Variants in IL31RA observed in about 807,000 individuals in gnomAD.
The protein encoded by IL31RA is interleukin 31 receptor A.
IL31RA carries 66 observed loss-of-function variants against 83.7 expected under a neutral mutation model. That is an observed-to-expected ratio of 0.79 (90% CI 0.65 to 0.97). The LOEUF is 0.97. IL31RA is among the 50% of genes least tolerant of loss of function. IL31RA has a pLI of 0.00. For missense variants in IL31RA, 798 were observed against 919.4 expected, an observed-to-expected ratio of 0.87 and a Z score of 1.71; for synonymous variants, 325 against 329.0, an observed-to-expected ratio of 0.99 and a Z score of 0.13.
At chr5:55,894,054 T>G (rs1192216500) in intron 6 of IL31RA, among the ~76,000 whole-genome samples, 2 of 152,218 alleles carry the variant, frequency 1.3e-5, no homozygotes, top group Non-Finnish European at 2.9e-5. Flanking sequence ...ATAATCAGTT[T>G]AGCTTTGCCT....
intron 11 of IL31RA, 70 bp downstream of exon 11, chr5:55,908,481 T>C: frequency 6.2e-7 from 1 of 1,613,904 alleles, no homozygotes; most frequent in East Asian, 2.2e-5. Context: ...AGACCTGTTG[T>C]AGGCATGGCT....
In IL31RA at chr5:55,918,473, T is replaced by C. The variant is rs1749919069; in HGVS notation, c.*1353T>C. 6.6e-6 allele frequency among the ~76,000 whole-genome samples: 1 copy of C among 152,222 alleles called. No individual in the cohort carries two copies. Among genetic ancestry groups the C allele is most frequent in the African/African-American group, 2.4e-5 (1 of 41,460 alleles). ...AACCTCAGCCCAGTATGATGATTTC[T>C]GAGTTGCCGTAGGTTTGTGACTCAG... On this transcript the variant is annotated 3_prime_UTR_variant, in exon 15 of 15. Transcript: ENST00000652347.
chr5:55,839,797 A>G, the IL31RA span: 1 of 768,738 alleles, frequency 1.3e-6, no homozygotes, highest in Non-Finnish European at 2.4e-6. Flanking sequence ...TGTGTCCCAT[A>G]GTTTCTCTGT....
intron 2 of IL31RA, among the ~76,000 whole-genome samples, chr5:55,864,908 C>A (rs540621750): frequency 1.3e-5 from 2 of 152,234 alleles, no homozygotes; most frequent in African/African-American, 4.8e-5. Flanking sequence ...TACACACACA[C>A]CCCATACACA....
chr5:55,879,157 G>A (rs1052371676), intron 4 of IL31RA, among the ~76,000 whole-genome samples: 2 of 152,078 alleles, frequency 1.3e-5, no homozygotes, highest in East Asian at 3.9e-4. Flanking sequence ...CAGTCGTTTA[G>A]TCTGCCCTCA....
chr5:55,890,253 GC>G (rs576296824), intron 6 of IL31RA, 118 bp downstream of exon 6: 3 of 997,146 alleles, frequency 3.0e-6, no homozygotes, highest in Admixed American at 1.9e-5. Context: ...GACCCCAGGG[GC>G]CCCCTGTACC....
In IL31RA at chr5:55,881,767, G is replaced by A. The variant is rs1050706282; in HGVS notation, c.455-1277G>A. ...TTTTGAGACAGAGTCTCACTGTGTC[G>A]CCCAGGCTGGAGTGTGGTGGTGCAA... On this transcript the variant is annotated intron_variant, in intron 4 of 14. Transcript: ENST00000652347. Among the ~76,000 whole-genome samples, 3 of 114,014 alleles carry A rather than the reference G, an allele frequency of 2.6e-5. No homozygotes were observed. The Admixed American group carries it at 3.9e-4, about 15-fold the overall frequency. 74.8% of individuals were successfully genotyped at this position (114,014 alleles called of 152,430 possible).
At chr5:55,889,452 G>A (rs980619837) in intron 5 of IL31RA, among the ~76,000 whole-genome samples, 11 of 152,214 alleles carry the variant, frequency 7.2e-5, no homozygotes, top group Admixed American at 1.3e-4. Flanking sequence ...CGAAAAAGCC[G>A]AGGAGTGAAG....
At chr5:55,885,937 A>C (rs185456839) in intron 5 of IL31RA, among the ~76,000 whole-genome samples, 64 of 152,244 alleles carry the variant, frequency 4.2e-4, no homozygotes, top group African/African-American at 1.4e-3. Flanking sequence ...ATAAACCCTT[A>C]ATTCCTTCTA....
the IL31RA span, among the ~76,000 whole-genome samples, chr5:55,843,080 A>G: frequency 9.9e-5 from 15 of 152,134 alleles, no homozygotes; most frequent in Non-Finnish European, 2.2e-4. Context: ...TTTTGCATGC[A>G]TGTGCCCACA....
At chr5:55,849,735 C>G (rs1745009648), upstream of IL31RA, among the ~76,000 whole-genome samples, 1 of 152,170 alleles carries the variant, frequency 6.6e-6, no homozygotes. Context: ...GCTCTCCAAG[C>G]CTGTTGTACT....
intron 2 of IL31RA, among the ~76,000 whole-genome samples, chr5:55,860,480 G>A (rs191009904): frequency 6.6e-6 from 1 of 152,216 alleles, no homozygotes; most frequent in Admixed American, 6.5e-5. Context: ...ACTACAGAAA[G>A]TAAAACCATA....
intron 2 of IL31RA, among the ~76,000 whole-genome samples, chr5:55,864,296 C>CAG (rs565303508): frequency 0.011 from 1,673 of 149,844 alleles, 33 homozygotes; most frequent in African/African-American, 0.039. Flanking sequence ...CACAGACACA[C>CAG]ACACACACAC....
chr5:55,906,054 A>T, intron 8 of IL31RA, 52 bp from the exon 9 acceptor site: 1 of 1,580,098 alleles, frequency 6.3e-7, no homozygotes, highest in Non-Finnish European at 8.7e-7. Flanking sequence ...TGGTTGTTGC[A>T]TTTGGGGAAT....
At position 55,859,627 on chromosome 5, in the gene IL31RA, T is replaced by C. The variant is rs367645985; in HGVS notation, c.154+28T>C. ...AGGTTGACCTGGGCCCTTTTACAGATCATGTGATTATTATTGCCTTCTTTG... is the reference window on the plus strand; with the variant it reads ...AGGTTGACCTGGGCCCTTTTACAGACCATGTGATTATTATTGCCTTCTTTG... On this transcript the variant is annotated intron_variant, in intron 2 of 14. Coordinates refer to ENST00000652347, the MANE Select transcript of IL31RA (RefSeq NM_139017.7). 2.2e-5 allele frequency: 32 copies of C among 1,433,048 alleles called. No individual in the cohort carries two copies. The Admixed American group carries it at 3.3e-4, about 15-fold the overall frequency. 88.8% of individuals were successfully genotyped at this position (1,433,048 alleles called of 1,614,324 possible).
intron 12 of IL31RA, among the ~76,000 whole-genome samples, chr5:55,911,579 C>G (rs904851196): frequency 6.6e-6 from 1 of 151,866 alleles, no homozygotes; most frequent in African/African-American, 2.4e-5. Flanking sequence ...CTAGAGACAA[C>G]AAATAATGTA....
In IL31RA at chr5:55,922,221, T is replaced by C. The variant is rs561952509; in HGVS notation, c.*5101T>C. On this transcript the variant is annotated 3_prime_UTR_variant, in exon 15 of 15. Transcript: ENST00000652347. ...GCCACAATAGCCCTTGACACAGAGC[T>C]CTATGCAGGGCTGTGCTGCCCAAGA... Among the ~76,000 whole-genome samples, 1 of 152,058 alleles carries C rather than the reference T, an allele frequency of 6.6e-6. No homozygotes were observed. Among genetic ancestry groups the C allele is most frequent in the South Asian group, 2.1e-4 (1 of 4,806 alleles).
At chr5:55,858,064 A>C (rs954467171) in intron 1 of IL31RA, among the ~76,000 whole-genome samples, 3 of 152,192 alleles carry the variant, frequency 2.0e-5, no homozygotes, top group Admixed American at 6.5e-5. Flanking sequence ...TTTCACAAAT[A>C]ATAGCTGAGT....
rs1749983534 is a variant in IL31RA, at chr5:55,919,478, C to T, written c.*2358C>T. Among the ~76,000 whole-genome samples, 1 of 152,216 alleles carries T rather than the reference C, an allele frequency of 6.6e-6. No individual in the cohort carries two copies. The highest frequency in any genetic ancestry group is 1.9e-4 in the East Asian group (1 of 5,204). On this transcript the variant is annotated 3_prime_UTR_variant, in exon 15 of 15. Coordinates refer to ENST00000652347, the MANE Select transcript of IL31RA (RefSeq NM_139017.7). Reference sequence around the variant, plus strand: ...TTTTGCTGGACAATTTGCAAATCCCCACCCAGCCCTTCCTGTTTCATTTCT... The same window carrying T: ...TTTTGCTGGACAATTTGCAAATCCCTACCCAGCCCTTCCTGTTTCATTTCT...
Sources: gnomAD v4.1 joint callset for allele counts (sites outside exome capture counted in the v4.1 genomes callset) on GRCh38, gnomAD v4.1.1 for gene constraint, MANE v1.5 for transcripts, NCBI Gene and HGNC (gene_info 2026-07-23, HGNC 2026-07-21) for gene names.